Variants in USP21 observed in about 807,000 individuals in gnomAD.
The protein encoded by USP21 is ubiquitin specific peptidase 21.
USP21 carries 37 observed loss-of-function variants against 70.8 expected under a neutral mutation model. The ratio of observed to expected loss-of-function variants is 0.52; its 90% CI spans 0.40 to 0.69. USP21 has a LOEUF of 0.69. Among genes scored for constraint, USP21 ranks in the 30% least tolerant of loss-of-function variants. The pLI is 0.00. For synonymous variants in USP21, 263 were observed against 283.1 expected (o/e 0.93, Z 0.71); for missense variants, 584 against 740.8 (o/e 0.79, Z 2.46).
rs745399364 is a variant in USP21, at chr1:161,160,791, C to T, written c.151C>T (p.Pro51Ser). 2.5e-5 allele frequency: 41 copies of T among 1,614,092 alleles called. No individual in the cohort carries two copies. In the South Asian group the frequency reaches 4.5e-4, roughly 18 times the overall value. ...PASGPNPMLR[P>S]LPPRPGLPDE... ...CTCTGGGCCAAACCCCATGTTACGACCTCTGCCTCCCCGGCCAGGTCTGCC... is the reference window on the plus strand; with the variant it reads ...CTCTGGGCCAAACCCCATGTTACGATCTCTGCCTCCCCGGCCAGGTCTGCC... The change falls in exon 3 of 14, where the codon CCT becomes TCT. Residue 51 changes from proline to serine, a missense_variant. Around this residue, in one of 4 missense-constraint regions of USP21, gnomAD observed 284 missense variants for 281.0 expected, o/e 1.01. Coordinates refer to ENST00000368002, the MANE Select transcript of USP21 (RefSeq NM_001014443.3).
chr1:161,164,861 G>A lies in USP21; in HGVS notation c.1411G>A (p.Gly471Ser). ...LHLNRFSASRGSIKKSSVGVD... is the reference protein window; with the variant it reads ...LHLNRFSASRSSIKKSSVGVD... ...TCTGAATCGATTTTCTGCCTCCCGA[G>A]GCTCCATCAAAAAAAGTTCAGTAGG... is the stretch of plus-strand genomic sequence containing the variant. Residue 471 changes from glycine (G) to serine (S), a missense_variant, in exon 12 of 14, where the codon GGC becomes AGC. Coordinates refer to ENST00000368002, the MANE Select transcript of USP21 (RefSeq NM_001014443.3). This position sits in a 1 kb window ranked among gnomAD's most constrained non-coding sequence, Gnocchi z 4.2. The A allele has an allele frequency of 1.9e-6, 3 of 1,613,916 alleles. No individual in the cohort carries two copies. Among genetic ancestry groups the A allele is most frequent in the Non-Finnish European group, 2.5e-6 (3 of 1,179,922 alleles).
In USP21 at chr1:161,160,798, C is replaced by G; in HGVS notation, c.158C>G (p.Pro53Arg). The change falls in exon 3 of 14, where the codon CCT (proline) becomes CGT (arginine). Residue 53 changes from proline to arginine, a missense_variant. Coordinates refer to ENST00000368002, the MANE Select transcript of USP21 (RefSeq NM_001014443.3). ...CCAAACCCCATGTTACGACCTCTGC[C>G]TCCCCGGCCAGGTCTGCCTGATGAA... ...SGPNPMLRPL[P>R]PRPGLPDERL... 6.2e-7 allele frequency: 1 copy of G among 1,614,220 alleles called. No homozygotes were observed. Among genetic ancestry groups the G allele is most frequent in the Non-Finnish European group, 8.5e-7 (1 of 1,180,040 alleles).
In USP21 at chr1:161,164,287, G is replaced by C; in HGVS notation, c.1305+37G>C. 6.3e-7 allele frequency: 1 copy of C among 1,592,400 alleles called. No homozygotes were observed. The highest frequency in any genetic ancestry group is 1.1e-5 in the South Asian group (1 of 90,546). On this transcript the variant is annotated intron_variant, in intron 10 of 13. Coordinates refer to ENST00000368002, the MANE Select transcript of USP21 (RefSeq NM_001014443.3). This position sits in a 1 kb window ranked among gnomAD's most constrained non-coding sequence, Gnocchi z 4.2. ...TTCACAAGGGATACAGTAAGGGTGGGAGACCTGGGGGGACTCCATGTGGAT... is the reference window on the plus strand; with the variant it reads ...TTCACAAGGGATACAGTAAGGGTGGCAGACCTGGGGGGACTCCATGTGGAT...
chr1:161,162,742 G>T lies in USP21; in HGVS notation c.893+16G>T. 1 of 1,602,908 alleles carries T rather than the reference G, an allele frequency of 6.2e-7. No homozygotes were observed. Among genetic ancestry groups the T allele is most frequent in the South Asian group, 1.1e-5 (1 of 90,862 alleles). On this transcript the variant is annotated intron_variant, in intron 6 of 13. Coordinates refer to ENST00000368002, the MANE Select transcript of USP21 (RefSeq NM_001014443.3). The surrounding 1 kb of genome is among the most constrained non-coding windows in gnomAD (Gnocchi z 4.1). Reference sequence around the variant, plus strand: ...CTGGATACAGGTGGGAGAGCTGGAGGCTATGGGATTTCTCTCTGGCCATGT... The same window carrying T: ...CTGGATACAGGTGGGAGAGCTGGAGTCTATGGGATTTCTCTCTGGCCATGT...
Position 161,160,256 on chromosome 1 carries a change from G to A in USP21, c.-162-110G>A, listed in dbSNP as rs1657799123. 1.3e-5 allele frequency: 3 copies of A among 227,754 alleles called. No homozygotes were observed. In the South Asian group the frequency reaches 2.0e-4, roughly 15 times the overall value. 14.1% of individuals were successfully genotyped at this position (227,754 alleles called of 1,614,324 possible). ...CTTTTCAGTAAAGATGTGTTCTGCA[G>A]GGAGGGGTCGGGAGTATAGAAAGGG... is the stretch of plus-strand genomic sequence containing the variant. On this transcript the variant is annotated intron_variant, in intron 1 of 13. Coordinates refer to ENST00000368002, the MANE Select transcript of USP21 (RefSeq NM_001014443.3).
Position 161,164,121 on chromosome 1 carries a change from G to A in USP21, c.1219-43G>A. The A allele has an allele frequency of 6.2e-7, 1 of 1,607,558 alleles. No individual in the cohort carries two copies. Among genetic ancestry groups the A allele is most frequent in the South Asian group, 1.1e-5 (1 of 90,892 alleles). On this transcript the variant is annotated intron_variant, in intron 9 of 13. Transcript: ENST00000368002. The surrounding 1 kb of genome is among the most constrained non-coding windows in gnomAD (Gnocchi z 4.2). ...GGATTGATTGAGAAGAGTTGGAAAAGGAAATTCAGAACATGTTGACCTTTC... is the reference window on the plus strand; with the variant it reads ...GGATTGATTGAGAAGAGTTGGAAAAAGAAATTCAGAACATGTTGACCTTTC...
At position 161,164,869 on chromosome 1, in the gene USP21, C is replaced by CTTTTT; in HGVS notation, c.1419_1420insTTTTT (p.Lys474PhefsTer7). The CTTTTT allele has an allele frequency of 6.2e-7, 1 of 1,613,858 alleles. No homozygotes were observed. Among genetic ancestry groups the CTTTTT allele is most frequent in the Non-Finnish European group, 8.5e-7 (1 of 1,179,902 alleles). On this transcript the variant is annotated frameshift_variant, in exon 12 of 14. Coordinates refer to ENST00000368002, the MANE Select transcript of USP21 (RefSeq NM_001014443.3). LOFTEE classifies it high-confidence loss of function. The surrounding 1 kb of genome is among the most constrained non-coding windows in gnomAD (Gnocchi z 4.2). ...GATTTTCTGCCTCCCGAGGCTCCATCAAAAAAAGTTCAGTAGGTGTAGACT... is the reference window on the plus strand; with the variant it reads ...GATTTTCTGCCTCCCGAGGCTCCATCTTTTTAAAAAAAGTTCAGTAGGTGTAGACT...
chr1:161,160,887 C>G lies in USP21; in HGVS notation c.247C>G (p.Arg83Gly). Residue 83 changes from arginine to glycine, a missense_variant, in exon 3 of 14, where the codon CGA becomes GGA. By Grantham distance (125) the Arg-to-Gly change is moderately radical (BLOSUM62 -2). Transcript: ENST00000368002. ...AGGCCCTCGTCCCAGAGGCCCCCTT[C>G]GAGCAGATCATGGGGTTCCCCTGCC... is the stretch of plus-strand genomic sequence containing the variant. ...TSGPRPRGPL[R>G]ADHGVPLPGS... 6.2e-7 allele frequency: 1 copy of G among 1,614,230 alleles called. No individual in the cohort carries two copies. The highest frequency in any genetic ancestry group is 2.2e-5 in the East Asian group (1 of 44,886).
Position 161,162,650 on chromosome 1 carries a change from G to A in USP21, c.817G>A (p.Asp273Asn). 1 of 1,614,130 alleles carries A rather than the reference G, an allele frequency of 6.2e-7. No individual in the cohort carries two copies. Among genetic ancestry groups the A allele is most frequent in the Non-Finnish European group, 8.5e-7 (1 of 1,179,974 alleles). The change falls in exon 6 of 14, where the codon GAC becomes AAC. Residue 273 changes from aspartate to asparagine, a missense_variant. Asp to Asn is a conservative substitution (Grantham distance 23). This residue lies in a region of USP21 where 87 missense variants were observed against 162.4 expected (regional missense o/e 0.54). Transcript: ENST00000368002. This position sits in a 1 kb window ranked among gnomAD's most constrained non-coding sequence, Gnocchi z 4.1. ...ADVIGALWHP[D>N]SCEAVNPTRF... Reference sequence around the variant, plus strand: ...TGTGATTGGTGCCCTCTGGCACCCTGACTCCTGCGAAGCTGTGAATCCTAC... The same window carrying A: ...TGTGATTGGTGCCCTCTGGCACCCTAACTCCTGCGAAGCTGTGAATCCTAC...
rs1657888064 is a variant in USP21 at position 161,161,083 on chromosome 1, C to T, written c.443C>T (p.Pro148Leu). 2.5e-6 allele frequency: 4 copies of T among 1,614,142 alleles called. No individual in the cohort carries two copies. Among genetic ancestry groups the T allele is most frequent in the Admixed American group, 1.7e-5 (1 of 60,012 alleles). ...ALSRLALRPE[P>L]PTLRRSTSLR... is the part of the protein sequence containing the mutation. The stretch of plus-strand genomic sequence containing the variant: ...AGCCGCTTGGCCCTCCGGCCTGAGC[C>T]ACCCACTTTGAGACGTAGCACTTCT... The change falls in exon 3 of 14, where the codon CCA (proline) becomes CTA (leucine). Residue 148 changes from proline (P) to leucine (L), a missense_variant. This residue lies in a region of USP21 where 284 missense variants were observed against 281.0 expected (regional missense o/e 1.01). Coordinates refer to ENST00000368002, the MANE Select transcript of USP21 (RefSeq NM_001014443.3). This position sits in a 1 kb window ranked among gnomAD's most constrained non-coding sequence, Gnocchi z 4.2.
At position 161,165,566 on chromosome 1, in the gene USP21, T is replaced by A; in HGVS notation, c.*119T>A. On this transcript the variant is annotated 3_prime_UTR_variant, in exon 14 of 14. Coordinates refer to ENST00000368002, the MANE Select transcript of USP21 (RefSeq NM_001014443.3). Reference sequence around the variant, plus strand: ...TAATCGGGGAGGGGGGAGGGGGTGGTTGTAGCTCCATTATTTTTTTTATTA... The same window carrying A: ...TAATCGGGGAGGGGGGAGGGGGTGGATGTAGCTCCATTATTTTTTTTATTA... 1 of 383,896 alleles carries A rather than the reference T, an allele frequency of 2.6e-6. No homozygotes were observed. Among genetic ancestry groups the A allele is most frequent in the Non-Finnish European group, 5.0e-6 (1 of 200,474 alleles). 23.8% of individuals were successfully genotyped at this position (383,896 alleles called of 1,614,324 possible).
At position 161,160,933 on chromosome 1, in the gene USP21, T is replaced by G. The variant is rs1430565611; in HGVS notation, c.293T>G (p.Val98Gly). The change falls in exon 3 of 14, where the codon GTG becomes GGG. Residue 98 changes from valine (V) to glycine (G), a missense_variant. Val to Gly is a moderately radical substitution (Grantham distance 109). Around this residue, in one of 4 missense-constraint regions of USP21, gnomAD observed 284 missense variants for 281.0 expected, o/e 1.01. Transcript: ENST00000368002. ...CTGCCTGGCTCACCACCCCCAACAGTGGCTTTGCCTCTCCCATCTCGGACC... is the reference window on the plus strand; with the variant it reads ...CTGCCTGGCTCACCACCCCCAACAGGGGCTTTGCCTCTCCCATCTCGGACC... ...VPLPGSPPPT[V>G]ALPLPSRTNL... 1 of 1,614,096 alleles carries G rather than the reference T, an allele frequency of 6.2e-7. No homozygotes were observed. The highest frequency in any genetic ancestry group is 8.5e-7 in the Non-Finnish European group (1 of 1,180,034).
Position 161,162,491 on chromosome 1 carries a change from C to T in USP21, c.781+101C>T, listed in dbSNP as rs1286089709. On this transcript the variant is annotated intron_variant, in intron 5 of 13. Coordinates refer to ENST00000368002, the MANE Select transcript of USP21 (RefSeq NM_001014443.3). The surrounding 1 kb of genome is among the most constrained non-coding windows in gnomAD (Gnocchi z 4.1). Reference sequence around the variant, plus strand: ...GGTGGCCCCCAACCCTTAAATCTGGCAGTTGTATCTACTTTTCCCAGTGCC... The same window carrying T: ...GGTGGCCCCCAACCCTTAAATCTGGTAGTTGTATCTACTTTTCCCAGTGCC... 2 of 1,551,118 alleles carry T rather than the reference C, an allele frequency of 1.3e-6. No homozygotes were observed. The highest frequency in any genetic ancestry group is 1.8e-6 in the Non-Finnish European group (2 of 1,136,062).
chr1:161,161,391 C>T lies in USP21; in HGVS notation c.600+151C>T. On this transcript the variant is annotated intron_variant, in intron 3 of 13. Coordinates refer to ENST00000368002, the MANE Select transcript of USP21 (RefSeq NM_001014443.3). This position sits in a 1 kb window ranked among gnomAD's most constrained non-coding sequence, Gnocchi z 4.2. Reference sequence around the variant, plus strand: ...ACATGCCTCTCCCTTGCTTAAATACCCTTGAGCCTCCTAGACCCTTTTTTG... The same window carrying T: ...ACATGCCTCTCCCTTGCTTAAATACTCTTGAGCCTCCTAGACCCTTTTTTG... The T allele has an allele frequency of 3.0e-6, 3 of 995,414 alleles. No homozygotes were observed. The highest frequency in any genetic ancestry group is 2.8e-5 in the Admixed American group (1 of 35,338). The allele number at this position is 995,414 out of a possible 1,614,324, so 61.7% of individuals were successfully genotyped here. A position where few individuals can be genotyped will look rare whatever the true frequency, so the allele number is the denominator to read the frequency against.
rs1409055622 is a variant in USP21 at position 161,161,089 on chromosome 1, C to T, written c.449C>T (p.Thr150Ile). Residue 150 changes from threonine (T) to isoleucine (I), a missense_variant, in exon 3 of 14, where the codon ACT becomes ATT. Thr to Ile is a moderately conservative substitution (Grantham distance 89). This residue lies in a region of USP21 where 284 missense variants were observed against 281.0 expected (regional missense o/e 1.01). Transcript: ENST00000368002. The surrounding 1 kb of genome is among the most constrained non-coding windows in gnomAD (Gnocchi z 4.2). Reference protein sequence around the residue: ...SRLALRPEPPTLRRSTSLRRL... With the variant: ...SRLALRPEPPILRRSTSLRRL... The stretch of plus-strand genomic sequence containing the variant: ...TTGGCCCTCCGGCCTGAGCCACCCA[C>T]TTTGAGACGTAGCACTTCTCTCCGC... 1.2e-6 allele frequency: 2 copies of T among 1,614,268 alleles called. No homozygotes were observed. The highest frequency in any genetic ancestry group is 4.5e-5 in the East Asian group (2 of 44,882).
chr1:161,161,260 A>G lies in USP21; in HGVS notation c.600+20A>G, dbSNP rs201884202. The stretch of plus-strand genomic sequence containing the variant: ...AAGATGGTGAGGACTTGCCACACAC[A>G]TGGCCTTCATGCCCATGTTCCTCTG... On this transcript the variant is annotated intron_variant, in intron 3 of 13. Transcript: ENST00000368002. This position sits in a 1 kb window ranked among gnomAD's most constrained non-coding sequence, Gnocchi z 4.2. 1.2e-4 allele frequency: 191 copies of G among 1,563,780 alleles called. 1 individual carries two copies. In the African/African-American group the frequency reaches 2.2e-3, roughly 18 times the overall value.
In USP21 at chr1:161,161,949, TG is replaced by T; in HGVS notation, c.601-84del. 1 of 1,246,544 alleles carries T rather than the reference TG, an allele frequency of 8.0e-7. No individual in the cohort carries two copies. The highest frequency in any genetic ancestry group is 1.2e-6 in the Non-Finnish European group (1 of 845,312). 77.2% of individuals were successfully genotyped at this position (1,246,544 alleles called of 1,614,324 possible). The stretch of plus-strand genomic sequence containing the variant: ...GTTTGGGGATGAAACATGCATGGGA[TG>T]GGGGAGGCAGTGGGCAGCATGCTGT... On this transcript the variant is annotated intron_variant, in intron 3 of 13. Transcript: ENST00000368002. This position sits in a 1 kb window ranked among gnomAD's most constrained non-coding sequence, Gnocchi z 4.2.
At position 161,164,428 on chromosome 1, in the gene USP21, C is replaced by A; in HGVS notation, c.1306-106C>A. ...AGCAAAGGGGAGAAGCCAAGAGGAT[C>A]CAGCTGTAATGAAGAGCATACTAAA... On this transcript the variant is annotated intron_variant, in intron 10 of 13. Transcript: ENST00000368002. The surrounding 1 kb of genome is among the most constrained non-coding windows in gnomAD (Gnocchi z 4.2). 1 of 1,448,140 alleles carries A rather than the reference C, an allele frequency of 6.9e-7. No individual in the cohort carries two copies. The highest frequency in any genetic ancestry group is 9.6e-7 in the Non-Finnish European group (1 of 1,037,938). 89.7% of individuals were successfully genotyped at this position (1,448,140 alleles called of 1,614,324 possible). A position where few individuals can be genotyped will look rare whatever the true frequency, so the allele number is the denominator to read the frequency against.
chr1:161,160,582 C>G, intron 2 of USP21, 38 bp from the exon 3 acceptor site: 2 of 1,564,896 alleles, frequency 1.3e-6, no homozygotes, highest in Non-Finnish European at 8.7e-7. Flanking sequence ...TCCCATTTCC[C>G]CCCATATTCA....
Sources: gnomAD v4.1 joint callset for allele counts on GRCh38, gnomAD v4.1.1 for gene constraint, gnomAD v4.1.1 regional missense constraint, Gnocchi (gnomAD v3.1) non-coding constraint, MANE v1.5 for transcripts, NCBI Gene and HGNC (gene_info 2026-07-23, HGNC 2026-07-21) for gene names.